The following SND1 variants were observed in gnomAD, a reference collection of about 807,000 sequenced individuals.
The protein encoded by SND1 is staphylococcal nuclease domain-containing protein 1.
Under a neutral mutation model 121.7 loss-of-function variants are expected in SND1, and 38 were observed. The ratio of observed to expected loss-of-function variants is 0.31; its 90% CI spans 0.24 to 0.41. The LOEUF is 0.41. Among genes scored for constraint, SND1 ranks in the 10% least tolerant of loss-of-function variants. The pLI is 1.00. For missense variants in SND1, 868 were observed against 1,184.6 expected, an observed-to-expected ratio of 0.73 and a Z score of 3.92; for synonymous variants, 401 against 447.4, an observed-to-expected ratio of 0.90 and a Z score of 1.31.
intron 16 of SND1, among the ~76,000 whole-genome samples, chr7:128,011,600 A>G (rs1803118951): frequency 6.6e-6 from 1 of 152,176 alleles, no homozygotes; most frequent in South Asian, 2.1e-4. Context: ...TGCACATTGG[A>G]ATCATGGAGT....
intron 22 of SND1, among the ~76,000 whole-genome samples, chr7:128,091,403 T>A (rs78323070): frequency 6.6e-6 from 1 of 151,518 alleles, no homozygotes; most frequent in Non-Finnish European, 1.5e-5. Flanking sequence ...TTTTTTTTTT[T>A]AATAGAGATG....
chr7:127,860,349 T>C (rs1481074630), intron 12 of SND1, among the ~76,000 whole-genome samples: 2 of 152,236 alleles, frequency 1.3e-5, no homozygotes, highest in African/African-American at 2.4e-5. Flanking sequence ...TCCCTGTAGC[T>C]CTTCCTTCCC....
intron 12 of SND1, among the ~76,000 whole-genome samples, chr7:127,862,665 G>T (rs554291881): frequency 1.3e-5 from 2 of 152,146 alleles, no homozygotes; most frequent in Admixed American, 6.5e-5. Context: ...TGAAAACTTT[G>T]ATTTCATGCA....
At chr7:127,924,645 G>T (rs779393416) in intron 14 of SND1, among the ~76,000 whole-genome samples, 7 of 152,038 alleles carry the variant, frequency 4.6e-5, no homozygotes, top group Non-Finnish European at 8.8e-5. Context: ...CTGGGGTGGT[G>T]GTCTTTCAGA....
intron 10 of SND1, among the ~76,000 whole-genome samples, chr7:127,790,978 G>T (rs1231342215): frequency 6.6e-6 from 1 of 152,156 alleles, no homozygotes; most frequent in African/African-American, 2.4e-5. Flanking sequence ...TAGCATGCTT[G>T]ATTGTTAAAT....
At chr7:127,756,084 A>G (rs1797190088) in intron 10 of SND1, among the ~76,000 whole-genome samples, 1 of 152,220 alleles carries the variant, frequency 6.6e-6, no homozygotes, top group Non-Finnish European at 1.5e-5. Context: ...TCAGCCTTTG[A>G]AGTATTAGAG....
intron 20 of SND1, 132 bp from the exon 21 acceptor site, chr7:128,086,806 G>T: frequency 1.3e-6 from 1 of 759,044 alleles, no homozygotes. Context: ...ATTGCAAAGT[G>T]GAACCAAGTC....
chr7:128,085,865 T>C lies in SND1; in HGVS notation c.2304+85T>C. The stretch of plus-strand genomic sequence containing the variant: ...ATCCATCTGATCTCTCCAAGGTCCC[T>C]CTGAGCTTACCAATAGAACAATGAG... On this transcript the variant is annotated intron_variant, in intron 20 of 23. Transcript: ENST00000354725. This position sits in a 1 kb window ranked among gnomAD's most constrained non-coding sequence, Gnocchi z 4.4. The C allele has an allele frequency of 1.7e-6, 2 of 1,171,316 alleles. No individual in the cohort carries two copies. Among genetic ancestry groups the C allele is most frequent in the Non-Finnish European group, 1.3e-6 (1 of 784,404 alleles). The allele number at this position is 1,171,316 out of a possible 1,614,324, so 72.6% of individuals were successfully genotyped here. A position where few individuals can be genotyped will look rare whatever the true frequency, so the allele number is the denominator to read the frequency against.
chr7:127,796,459 A>T (rs946091330), intron 10 of SND1, among the ~76,000 whole-genome samples: 4 of 152,174 alleles, frequency 2.6e-5, no homozygotes, highest in Non-Finnish European at 5.9e-5. Flanking sequence ...ATGTGGCACT[A>T]TGCTGGGCAC....
In SND1 at chr7:127,755,031, C is replaced by T. The variant is rs538540897; in HGVS notation, c.1152+33631C>T. ...CATGGCTCTACTTAGTTCAGGGGGCCGGGTTGTAGGGGTGATCTCTGAACC... is the reference window on the plus strand; with the variant it reads ...CATGGCTCTACTTAGTTCAGGGGGCTGGGTTGTAGGGGTGATCTCTGAACC... On this transcript the variant is annotated intron_variant, in intron 10 of 23. Coordinates refer to ENST00000354725, the MANE Select transcript of SND1 (RefSeq NM_014390.4). 1.5e-4 allele frequency among the ~76,000 whole-genome samples: 23 copies of T among 152,270 alleles called. No individual in the cohort carries two copies. In the East Asian group the frequency reaches 2.1e-3, roughly 14 times the overall value.
chr7:127,937,486 TCTC>T (rs905081796), intron 15 of SND1, among the ~76,000 whole-genome samples: 2 of 150,886 alleles, frequency 1.3e-5, no homozygotes, highest in East Asian at 2.0e-4. Context: ...CCCTGTCCCT[TCTC>T]CTCTCTCTCT....
At chr7:127,714,762 T>C (rs1796357882) in intron 9 of SND1, among the ~76,000 whole-genome samples, 4 of 152,270 alleles carry the variant, frequency 2.6e-5, no homozygotes. Context: ...TCTTTGTGAC[T>C]GTCTTATTTC....
At chr7:127,946,497 T>C (rs1479929815) in intron 15 of SND1, among the ~76,000 whole-genome samples, 1 of 152,180 alleles carries the variant, frequency 6.6e-6, no homozygotes, top group Non-Finnish European at 1.5e-5. Flanking sequence ...GTTAGAGGAA[T>C]AGAATATTTG....
chr7:128,041,162 C>T (rs1048334837), intron 16 of SND1, among the ~76,000 whole-genome samples: 12 of 152,146 alleles, frequency 7.9e-5, no homozygotes, highest in South Asian at 6.2e-4. Flanking sequence ...GGCCCCGGTG[C>T]AGGGGCTCCT....
At chr7:127,691,244 TA>T (rs1394848653) in intron 2 of SND1, among the ~76,000 whole-genome samples, 1 of 152,018 alleles carries the variant, frequency 6.6e-6, no homozygotes, top group African/African-American at 2.4e-5. Context: ...ATACTATCTT[TA>T]AAAAATAATA....
At chr7:127,768,002 T>C (rs1244632104) in intron 10 of SND1, among the ~76,000 whole-genome samples, 2 of 152,194 alleles carry the variant, frequency 1.3e-5, no homozygotes, top group Non-Finnish European at 2.9e-5. Flanking sequence ...TTTTAGAACG[T>C]TCATTCTGTT....
intron 15 of SND1, among the ~76,000 whole-genome samples, chr7:127,968,342 G>T (rs964966928): frequency 1.3e-5 from 2 of 152,200 alleles, no homozygotes; most frequent in Non-Finnish European, 2.9e-5. Context: ...GTAACACAGA[G>T]ATCTGCAGTC....
intron 10 of SND1, among the ~76,000 whole-genome samples, chr7:127,737,380 GCCTGGCCAAC>G (rs1408686789): frequency 6.6e-6 from 1 of 152,246 alleles, no homozygotes; most frequent in Admixed American, 6.5e-5. Flanking sequence ...TTTGAGACCA[GCCTGGCCAAC>G]ATGGCGAAAC....
chr7:127,940,556 G>A (rs1042155226), intron 15 of SND1, among the ~76,000 whole-genome samples: 1 of 152,210 alleles, frequency 6.6e-6, no homozygotes, highest in Non-Finnish European at 1.5e-5. Context: ...GCACACTGCT[G>A]TAAGACTTAA....
Sources: gnomAD v4.1 joint callset for allele counts (sites outside exome capture counted in the v4.1 genomes callset) on GRCh38, gnomAD v4.1.1 for gene constraint, Gnocchi (gnomAD v3.1) non-coding constraint, MANE v1.5 for transcripts, NCBI Gene and HGNC (gene_info 2026-07-23, HGNC 2026-07-21) for gene names.